Variants in ARMH3 observed in about 807,000 individuals in gnomAD.
ARMH3 encodes armadillo like helical domain containing 3.
A neutral mutation model predicts 99.1 loss-of-function variants in ARMH3; 60 were observed. The observed-to-expected ratio is 0.61, with a 90% CI of 0.49 to 0.75. ARMH3 has a LOEUF of 0.75. Ranked by LOEUF, ARMH3 falls within the 30% of genes least tolerant of loss-of-function variation. ARMH3 has a pLI of 0.00. For synonymous variants in ARMH3, 285 were observed against 292.8 expected (o/e 0.97, Z 0.27); for missense variants, 679 against 843.1 (o/e 0.81, Z 2.41).
chr10:101,878,202 G>A (rs762557868), intron 24 of ARMH3, among the ~76,000 whole-genome samples: 3 of 152,166 alleles, frequency 2.0e-5, no homozygotes, highest in Non-Finnish European at 2.9e-5. Flanking sequence ...AGGTTGCAGT[G>A]AGCAGAGATC....
intron 14 of ARMH3, among the ~76,000 whole-genome samples, chr10:102,003,602 A>T (rs929268599): frequency 2.6e-5 from 4 of 152,202 alleles, no homozygotes; most frequent in Non-Finnish European, 4.4e-5. Context: ...AAAGCTAGAG[A>T]ATCTATGGCT....
rs2066479373 is a variant in ARMH3 at position 101,846,977 on chromosome 10, AG to A, written c.*550del. 6.6e-6 allele frequency: 1 copy of A among 152,492 alleles called. No homozygotes were observed. Among genetic ancestry groups the A allele is most frequent in the African/African-American group, 2.4e-5 (1 of 41,454 alleles). The allele number at this position is 152,492 out of a possible 1,614,324, so 9.4% of individuals were successfully genotyped here. A position where few individuals can be genotyped will look rare whatever the true frequency, so the allele number is the denominator to read the frequency against. On this transcript the variant is annotated 3_prime_UTR_variant, in exon 26 of 26. Transcript: ENST00000370033. Reference sequence around the variant, plus strand: ...CTCCGTCTCAGAAAAAAAAGGAAAAAGGTACCCTATTCCTATCTTACCCTAA... The same window carrying A: ...CTCCGTCTCAGAAAAAAAAGGAAAAAGTACCCTATTCCTATCTTACCCTAA...
chr10:101,886,409 C>T (rs955077886), intron 24 of ARMH3, among the ~76,000 whole-genome samples: 1 of 151,730 alleles, frequency 6.6e-6, no homozygotes, highest in Admixed American at 6.6e-5. Flanking sequence ...ACCTGGGAGG[C>T]TGAGGCAGGA....
chr10:101,916,682 T>C (rs1843099882), intron 23 of ARMH3, among the ~76,000 whole-genome samples: 1 of 152,230 alleles, frequency 6.6e-6, no homozygotes, highest in Non-Finnish European at 1.5e-5. Context: ...TAAATCATTA[T>C]TTCTGAGTGT....
chr10:102,036,507 G>A (rs1395319938), intron 2 of ARMH3, among the ~76,000 whole-genome samples: 2 of 152,152 alleles, frequency 1.3e-5, no homozygotes, highest in African/African-American at 4.8e-5. Context: ...AGACATGGGA[G>A]ACTTCATTTT....
At position 101,915,103 on chromosome 10, in the gene ARMH3, A is replaced by G. The variant is rs186844540; in HGVS notation, c.1781+24760T>C. 7.1e-3 allele frequency among the ~76,000 whole-genome samples: 1,075 copies of G among 152,134 alleles called. 9 individuals carry two copies. Among genetic ancestry groups the G allele is most frequent in the Non-Finnish European group, 0.011 (725 of 68,004 alleles). Reference sequence around the variant, plus strand: ...AGTTCAACTCTAACCAAAATGATTCAAGTCCTGCTCCAATAGTAGACTTCA... The same window carrying G: ...AGTTCAACTCTAACCAAAATGATTCGAGTCCTGCTCCAATAGTAGACTTCA... On this transcript the variant is annotated intron_variant, in intron 23 of 25. Coordinates refer to ENST00000370033, the MANE Select transcript of ARMH3 (RefSeq NM_024541.3).
At chr10:101,912,391 C>CAAA (rs34173316) in intron 23 of ARMH3, among the ~76,000 whole-genome samples, 12 of 83,074 alleles carry the variant, frequency 1.4e-4, no homozygotes, top group Admixed American at 2.7e-4. Context: ...GACTCTGTCT[C>CAAA]AAAAAAAAAA....
chr10:102,027,232 T>C (rs952160441), intron 5 of ARMH3, among the ~76,000 whole-genome samples: 4 of 149,784 alleles, frequency 2.7e-5, no homozygotes, highest in Admixed American at 6.7e-5. Context: ...TGAGCCGAGA[T>C]TGCACCACTG....
chr10:101,926,430 T>C (rs1434403744), intron 23 of ARMH3, among the ~76,000 whole-genome samples: 1 of 152,100 alleles, frequency 6.6e-6, no homozygotes, highest in African/African-American at 2.4e-5. Context: ...AGCGCTGGGA[T>C]TACAAGTGTG....
intron 23 of ARMH3, among the ~76,000 whole-genome samples, chr10:101,902,941 A>G (rs891416628): frequency 4.6e-5 from 7 of 152,086 alleles, no homozygotes; most frequent in Non-Finnish European, 8.8e-5. Context: ...GCCCATGCGG[A>G]GGGTGAGGCG....
chr10:101,862,057 A>AG (rs2066888190), intron 24 of ARMH3, among the ~76,000 whole-genome samples: 2 of 149,736 alleles, frequency 1.3e-5, no homozygotes. Flanking sequence ...TCAAAAAAAA[A>AG]AAAAAAAAAA....
chr10:101,991,440 C>T (rs1416294696), intron 18 of ARMH3, among the ~76,000 whole-genome samples: 2 of 152,088 alleles, frequency 1.3e-5, no homozygotes, highest in African/African-American at 4.8e-5. Context: ...GAGTGCAATG[C>T]CGTGATCTTG....
intron 19 of ARMH3, among the ~76,000 whole-genome samples, chr10:101,979,283 AC>A (rs1484366817): frequency 6.6e-6 from 1 of 152,242 alleles, no homozygotes; most frequent in African/African-American, 2.4e-5. Context: ...TGTATTCTAG[AC>A]AATGAAATAT....
chr10:101,935,524 C>T (rs1843926870), intron 23 of ARMH3, among the ~76,000 whole-genome samples: 1 of 152,166 alleles, frequency 6.6e-6, no homozygotes, highest in African/African-American at 2.4e-5. Flanking sequence ...GGTCTACAGC[C>T]TTCCTGCTGC....
At chr10:102,014,642 A>G (rs1342495493) in intron 8 of ARMH3, among the ~76,000 whole-genome samples, 3 of 152,242 alleles carry the variant, frequency 2.0e-5, no homozygotes, top group Non-Finnish European at 4.4e-5. Flanking sequence ...ACTGAAAAAA[A>G]GGATGTAATT....
chr10:102,006,963 C>A (rs2066506197), intron 13 of ARMH3, among the ~76,000 whole-genome samples: 1 of 151,666 alleles, frequency 6.6e-6, no homozygotes, highest in Admixed American at 6.6e-5. Context: ...GAGATCGAGA[C>A]CATCCTGGCC....
chr10:101,913,060 A>T (rs1182893712), intron 23 of ARMH3: 1 of 152,376 alleles, frequency 6.6e-6, no homozygotes, highest in Non-Finnish European at 1.5e-5. Flanking sequence ...AGCTCACTGC[A>T]GCCTTGAACT....
intron 25 of ARMH3, among the ~76,000 whole-genome samples, chr10:101,848,397 T>C (rs2066508909): frequency 6.6e-6 from 1 of 152,138 alleles, no homozygotes; most frequent in Non-Finnish European, 1.5e-5. Flanking sequence ...CCCAAGTCCC[T>C]ACTCTGAGAG....
At chr10:102,023,418 G>T in intron 8 of ARMH3, 59 bp downstream of exon 8, 1 of 1,457,834 alleles carries the variant, frequency 6.9e-7, no homozygotes, top group South Asian at 1.2e-5. Context: ...CCTTTAGGAG[G>T]GGCCGCATTT....
Sources: allele counts gnomAD v4.1 joint callset (sites outside exome capture counted in the v4.1 genomes callset), GRCh38; gene constraint gnomAD v4.1.1; transcripts MANE v1.5; gene names NCBI Gene and HGNC (gene_info 2026-07-23, HGNC 2026-07-21).